The following CFAP54 variants were observed in gnomAD, a reference collection of about 807,000 sequenced individuals.
CFAP54 encodes the protein cilia- and flagella-associated protein 54.
CFAP54 carries 290 observed loss-of-function variants against 370.4 expected under a neutral mutation model. That is an observed-to-expected ratio of 0.78 (90% confidence interval 0.71 to 0.86). The LOEUF (loss-of-function observed/expected upper bound fraction) is 0.86. CFAP54 is among the 40% of genes least tolerant of loss of function. The pLI is 0.00. For synonymous variants in CFAP54, 1,206 were observed against 1,236.5 expected, an observed-to-expected ratio of 0.98 and a Z score of 0.52; for missense variants, 3,399 against 3,528.7, an observed-to-expected ratio of 0.96 and a Z score of 0.93.
intron 32 of CFAP54, among the ~76,000 whole-genome samples, chr12:96,641,685 C>A (rs1956729521): frequency 6.6e-6 from 1 of 152,100 alleles, no homozygotes; most frequent in Non-Finnish European, 1.5e-5. Flanking sequence ...AGCCAAATGT[C>A]CAACAATGAT....
chr12:96,781,489 A>G (rs1177247266), intron 60 of CFAP54, among the ~76,000 whole-genome samples: 1 of 152,160 alleles, frequency 6.6e-6, no homozygotes, highest in Admixed American at 6.5e-5. Flanking sequence ...ATAATAATGT[A>G]AGTATTGTTT....
At chr12:96,848,266 G>C (rs1959416048) in intron 66 of CFAP54, among the ~76,000 whole-genome samples, 1 of 151,884 alleles carries the variant, frequency 6.6e-6, no homozygotes, top group South Asian at 2.1e-4. Flanking sequence ...TAGTAGAGAC[G>C]GTTTCACCAT....
At chr12:96,541,904 A>C (rs114469143) in intron 14 of CFAP54, among the ~76,000 whole-genome samples, 2,227 of 148,942 alleles carry the variant, frequency 0.015, 62 homozygotes, top group African/African-American at 0.051. Flanking sequence ...CCCCCTCCCC[A>C]CCAGCCCCCA....
chr12:96,691,103 A>G (rs368052872), intron 43 of CFAP54, 25 bp from the exon 44 acceptor site: 39 of 1,604,260 alleles, frequency 2.4e-5, no homozygotes, highest in Non-Finnish European at 3.2e-5. Context: ...ATAGCTCTTT[A>G]TATTTCACTT....
At chr12:96,860,050 G>A (rs77356388) in intron 66 of CFAP54, among the ~76,000 whole-genome samples, 1,749 of 150,952 alleles carry the variant, frequency 0.012, 34 homozygotes, top group African/African-American at 0.04. Context: ...TTCACATTTA[G>A]GTTCATTATG....
intron 58 of CFAP54, among the ~76,000 whole-genome samples, chr12:96,762,771 GTT>G (rs67070407): frequency 4.0e-5 from 6 of 149,958 alleles, no homozygotes; most frequent in Non-Finnish European, 7.4e-5. Flanking sequence ...AATGATTAGG[GTT>G]TTTTTTTTCT....
At chr12:96,699,328 C>G (rs1957467729) in intron 45 of CFAP54, among the ~76,000 whole-genome samples, 1 of 152,052 alleles carries the variant, frequency 6.6e-6, no homozygotes, top group African/African-American at 2.4e-5. Context: ...CGATTTAGTT[C>G]AAGGAAGTTC....
rs1022739290 is a variant in CFAP54 at position 96,534,239 on chromosome 12, T to C, written c.1705+12T>C. 1.5e-6 allele frequency: 2 copies of C among 1,371,494 alleles called. No individual in the cohort carries two copies. Among genetic ancestry groups the C allele is most frequent in the Non-Finnish European group, 2.0e-6 (2 of 1,020,844 alleles). 85.0% of individuals were successfully genotyped at this position (1,371,494 alleles called of 1,614,324 possible). A position where few individuals can be genotyped will look rare whatever the true frequency, so the allele number is the denominator to read the frequency against. ...AATTGCTGTTCATGGTAAGTATTTA[T>C]TTGTTTGTTCAAAAAATTTAGTTTG... On this transcript the variant is annotated intron_variant, in intron 11 of 67. Transcript: ENST00000524981.
chr12:96,665,687 T>C (rs1195404781), intron 39 of CFAP54, among the ~76,000 whole-genome samples: 1 of 152,224 alleles, frequency 6.6e-6, no homozygotes, highest in Non-Finnish European at 1.5e-5. Flanking sequence ...CGTGTCTCTT[T>C]TGTACCAGCA....
intron 65 of CFAP54, among the ~76,000 whole-genome samples, chr12:96,828,453 A>G (rs1445343306): frequency 6.6e-6 from 1 of 152,054 alleles, no homozygotes; most frequent in Non-Finnish European, 1.5e-5. Context: ...CCAACTCCGC[A>G]TGTGGACCTT....
intron 45 of CFAP54, among the ~76,000 whole-genome samples, chr12:96,694,655 C>T (rs909841779): frequency 2.0e-5 from 3 of 151,976 alleles, no homozygotes; most frequent in Non-Finnish European, 4.4e-5. Flanking sequence ...TCTTGGCCAT[C>T]ATCTCATGCT....
chr12:96,725,586 T>TG (rs1412916701), intron 50 of CFAP54, among the ~76,000 whole-genome samples: 4 of 152,172 alleles, frequency 2.6e-5, no homozygotes, highest in African/African-American at 9.6e-5. Flanking sequence ...GCTGAGACGA[T>TG]GGGTTTTCTA....
chr12:96,825,271 A>T (rs1592787625), intron 65 of CFAP54, among the ~76,000 whole-genome samples: 1 of 57,192 alleles, frequency 1.7e-5, no homozygotes, highest in African/African-American at 7.3e-5. Context: ...ATATAATATA[A>T]CATGTTATAT....
chr12:96,664,779 A>ATATCTATATCTATATCTATATC (rs1565934497), intron 39 of CFAP54, among the ~76,000 whole-genome samples: 1 of 13,870 alleles, frequency 7.2e-5, no homozygotes, highest in East Asian at 2.2e-3. Context: ...ATCTATATCT[A>ATATCTATATCTATATCTATATC]TATATATATA....
chr12:96,535,644 G>GT, intron 12 of CFAP54, 44 bp downstream of exon 12: 1 of 1,325,628 alleles, frequency 7.5e-7, no homozygotes, highest in Non-Finnish European at 1.0e-6. Context: ...GTGGAAGGAG[G>GT]TTTTTGTGCC....
chr12:96,858,416 G>A (rs1959775163), intron 66 of CFAP54, among the ~76,000 whole-genome samples: 1 of 152,114 alleles, frequency 6.6e-6, no homozygotes, highest in Non-Finnish European at 1.5e-5. Context: ...TGCATAGTTT[G>A]TAAATATTGT....
At chr12:96,806,213 T>TATATATATATATA (rs1392329026) in intron 63 of CFAP54, among the ~76,000 whole-genome samples, 1 of 49,712 alleles carries the variant, frequency 2.0e-5, no homozygotes, top group Non-Finnish European at 3.7e-5. Context: ...TATATATATA[T>TATATATATATATA]AATAACAACA....
intron 45 of CFAP54, among the ~76,000 whole-genome samples, chr12:96,698,356 G>A (rs1042022062): frequency 6.6e-6 from 1 of 152,066 alleles, no homozygotes; most frequent in Non-Finnish European, 1.5e-5. Flanking sequence ...ATTAACAGTG[G>A]CCATTAATTA....
intron 67 of CFAP54, among the ~76,000 whole-genome samples, chr12:96,863,511 AT>A (rs1959929603): frequency 1.3e-5 from 2 of 152,226 alleles, no homozygotes; most frequent in Admixed American, 1.3e-4. Flanking sequence ...TCCCGGAAGA[AT>A]CTGAGCTCTT....
Sources: gnomAD v4.1 joint callset for allele counts (sites outside exome capture counted in the v4.1 genomes callset) on GRCh38, gnomAD v4.1.1 for gene constraint, MANE v1.5 for transcripts, NCBI Gene and HGNC (gene_info 2026-07-23, HGNC 2026-07-21) for gene names.